The following RNF180 variants were observed in gnomAD, a reference collection of about 807,000 sequenced individuals.
The protein encoded by RNF180 is ring finger protein 180.
A neutral mutation model predicts 59.2 loss-of-function variants in RNF180; 38 were observed. The observed-to-expected ratio is 0.64, with a 90% CI of 0.50 to 0.84. The LOEUF (loss-of-function observed/expected upper bound fraction) is 0.84. Ranked by LOEUF, RNF180 falls within the 40% of genes least tolerant of loss-of-function variation. The pLI is 0.00. For missense variants in RNF180, 705 were observed against 700.9 expected, an observed-to-expected ratio of 1.01 and a Z score of -0.07; for synonymous variants, 262 against 240.3, an observed-to-expected ratio of 1.09 and a Z score of -0.84.
chr5:64,211,559 C>CT (rs1049424851), intron 2 of RNF180, among the ~76,000 whole-genome samples: 3 of 152,136 alleles, frequency 2.0e-5, no homozygotes, highest in African/African-American at 7.2e-5. Context: ...CCTGCATCCG[C>CT]TGTTTTTCAG....
At chr5:64,205,663 A>C (rs1455494452) in intron 2 of RNF180, among the ~76,000 whole-genome samples, 1 of 152,156 alleles carries the variant, frequency 6.6e-6, no homozygotes, top group East Asian at 1.9e-4. Context: ...TCAGCATATA[A>C]GTTTTAGGTG....
intron 5 of RNF180, among the ~76,000 whole-genome samples, chr5:64,249,865 A>G (rs2112271468): frequency 6.6e-6 from 1 of 152,302 alleles, no homozygotes; most frequent in East Asian, 1.9e-4. Flanking sequence ...GAACTGCAAT[A>G]CAATAATAGT....
At chr5:64,237,859 G>T (rs753522296) in intron 5 of RNF180, among the ~76,000 whole-genome samples, 4 of 151,698 alleles carry the variant, frequency 2.6e-5, no homozygotes, top group East Asian at 1.9e-4. Flanking sequence ...CACCAACCCC[G>T]CTTTCACTCT....
At chr5:64,190,078 G>C (rs1344931400) in intron 1 of RNF180, among the ~76,000 whole-genome samples, 6 of 152,070 alleles carry the variant, frequency 3.9e-5, no homozygotes, top group Admixed American at 3.9e-4. Flanking sequence ...TTGAATATTT[G>C]TATACTTGTG....
chr5:64,207,786 A>G (rs1446687155), intron 2 of RNF180, among the ~76,000 whole-genome samples: 1 of 152,266 alleles, frequency 6.6e-6, no homozygotes, highest in African/African-American at 2.4e-5. Context: ...AGGCAGTCCA[A>G]TAGAATTGTG....
intron 2 of RNF180, among the ~76,000 whole-genome samples, chr5:64,207,447 A>G (rs917084782): frequency 2.0e-5 from 3 of 152,134 alleles, no homozygotes; most frequent in Admixed American, 6.6e-5. Context: ...GATTGCCACT[A>G]TTGGAGTTCA....
chr5:64,322,814 A>G (rs1038350710), intron 5 of RNF180, among the ~76,000 whole-genome samples: 1 of 152,074 alleles, frequency 6.6e-6, no homozygotes, highest in Non-Finnish European at 1.5e-5. Context: ...CATAAGAATG[A>G]CACAATGGAC....
intron 5 of RNF180, among the ~76,000 whole-genome samples, chr5:64,313,145 T>C (rs1306751452): frequency 1.3e-5 from 2 of 152,116 alleles, no homozygotes; most frequent in Admixed American, 6.6e-5. Context: ...CTGAAGGTAA[T>C]TTTATTTTTA....
chr5:64,251,042 G>A (rs1258259542), intron 5 of RNF180, among the ~76,000 whole-genome samples: 1 of 152,170 alleles, frequency 6.6e-6, no homozygotes, highest in African/African-American at 2.4e-5. Context: ...AGGGAAGCAA[G>A]TGTATTTCAA....
At chr5:64,280,808 T>C (rs992388758) in intron 5 of RNF180, among the ~76,000 whole-genome samples, 1 of 152,216 alleles carries the variant, frequency 6.6e-6, no homozygotes, top group African/African-American at 2.4e-5. Flanking sequence ...ATATGCATTT[T>C]AGAATAGTTT....
chr5:64,321,558 G>C (rs931659442), intron 5 of RNF180, among the ~76,000 whole-genome samples: 1 of 152,168 alleles, frequency 6.6e-6, no homozygotes, highest in Non-Finnish European at 1.5e-5. Flanking sequence ...CTCGTGGATA[G>C]GAAGAATCAG....
At chr5:64,275,995 C>T (rs2112369368) in intron 5 of RNF180, among the ~76,000 whole-genome samples, 1 of 152,112 alleles carries the variant, frequency 6.6e-6, no homozygotes, top group Non-Finnish European at 1.5e-5. Flanking sequence ...GTCATTCTCC[C>T]ACCAATTATA....
chr5:64,282,149 T>C (rs1246241919), intron 5 of RNF180, among the ~76,000 whole-genome samples: 2 of 152,202 alleles, frequency 1.3e-5, no homozygotes, highest in Non-Finnish European at 2.9e-5. Flanking sequence ...ATATGTCTGG[T>C]AGAATTCAGC....
chr5:64,336,996 TTG>T (rs1491082767), intron 7 of RNF180, among the ~76,000 whole-genome samples: 2 of 137,208 alleles, frequency 1.5e-5, no homozygotes, highest in Non-Finnish European at 3.2e-5. Flanking sequence ...TTTTCTTTTT[TTG>T]TTGTTGTTTT....
chr5:64,289,006 G>A lies in RNF180; in HGVS notation c.1228-36180G>A, dbSNP rs541715305. On this transcript the variant is annotated intron_variant, in intron 5 of 7. Transcript: ENST00000389100. ...GAATGCTTCCAGCTTTTGCCCATTC[G>A]GTATGATACTGGATGTGGGTTTGTC... Among the ~76,000 whole-genome samples, 5 of 152,142 alleles carry A rather than the reference G, an allele frequency of 3.3e-5. No individual in the cohort carries two copies. The South Asian group carries it at 6.2e-4, about 19-fold the overall frequency.
intron 7 of RNF180, among the ~76,000 whole-genome samples, chr5:64,345,554 G>T (rs575146532): frequency 7.1e-4 from 108 of 152,324 alleles, no homozygotes; most frequent in African/African-American, 2.5e-3. Flanking sequence ...GGATTGAAGA[G>T]ATGCAGTCTA....
At chr5:64,337,872 A>C (rs1745197674) in intron 7 of RNF180, among the ~76,000 whole-genome samples, 1 of 152,136 alleles carries the variant, frequency 6.6e-6, no homozygotes, top group African/African-American at 2.4e-5. Context: ...TCCATGGTGT[A>C]TATGTGCCAC....
chr5:64,178,533 G>T (rs751520411), intron 1 of RNF180, among the ~76,000 whole-genome samples: 1 of 152,174 alleles, frequency 6.6e-6, no homozygotes, highest in Non-Finnish European at 1.5e-5. Context: ...ATGCCTGTTT[G>T]TGCTGTTTTT....
chr5:64,310,268 T>G (rs1214007282), intron 5 of RNF180, among the ~76,000 whole-genome samples: 1 of 151,806 alleles, frequency 6.6e-6, no homozygotes, highest in Non-Finnish European at 1.5e-5. Context: ...TAATATAATT[T>G]GTCATATGGC....
Sources: allele counts gnomAD v4.1 joint callset (sites outside exome capture counted in the v4.1 genomes callset), GRCh38; gene constraint gnomAD v4.1.1; transcripts MANE v1.5; gene names NCBI Gene and HGNC (gene_info 2026-07-23, HGNC 2026-07-21).